PMPCB: variants seen among roughly 807,000 people sequenced by gnomAD.
PMPCB encodes the protein peptidase, mitochondrial processing subunit beta.
Under a neutral mutation model 61.5 loss-of-function variants are expected in PMPCB, and 46 were observed. The observed-to-expected ratio is 0.75, with a 90% CI of 0.59 to 0.96. PMPCB has a LOEUF of 0.96. Among genes scored for constraint, PMPCB ranks in the 40% least tolerant of loss-of-function variants. PMPCB has a pLI of 0.00. For missense variants in PMPCB, 590 were observed against 602.4 expected (o/e 0.98, Z 0.22); for synonymous variants, 191 against 201.6 (o/e 0.95, Z 0.44).
At chr7:103,304,617 A>T (rs970623989) in intron 6 of PMPCB, 127 bp downstream of exon 6, 4 of 705,080 alleles carry the variant, frequency 5.7e-6, no homozygotes, top group African/African-American at 1.8e-5. Context: ...GATAGTGTGT[A>T]AGGGGAATGT....
chr7:103,312,003 T>G, intron 11 of PMPCB, 53 bp from the exon 12 acceptor site: 1 of 1,579,862 alleles, frequency 6.3e-7, no homozygotes, highest in East Asian at 2.2e-5. Context: ...GTTCCAGGTA[T>G]AGACTTTGTT....
At chr7:103,321,633 A>G (rs1818421089) in intron 12 of PMPCB, among the ~76,000 whole-genome samples, 1 of 151,732 alleles carries the variant, frequency 6.6e-6, no homozygotes, top group African/African-American at 2.4e-5. Flanking sequence ...AGATCACTTG[A>G]GGTCAGGAGT....
chr7:103,309,652 C>T (rs117949792), intron 8 of PMPCB, among the ~76,000 whole-genome samples: 2,052 of 152,264 alleles, frequency 0.013, 17 homozygotes, highest in Middle Eastern at 0.031. Flanking sequence ...TTTTGGTATC[C>T]ACAGGGATCT....
chr7:103,319,731 T>G, intron 12 of PMPCB: 2 of 1,614,128 alleles, frequency 1.2e-6, no homozygotes, highest in South Asian at 1.1e-5. Flanking sequence ...AAGTGAAGAC[T>G]TCAATAGCAG....
downstream of PMPCB, chr7:103,316,648 G>A (rs1779295369): frequency 1.7e-6 from 1 of 603,984 alleles, no homozygotes; most frequent in African/African-American, 1.9e-5. Context: ...ATGTGCATGT[G>A]TACTGATGCA....
chr7:103,304,054 A>T lies in PMPCB; in HGVS notation c.656+14A>T. 3 of 1,563,538 alleles carry T rather than the reference A, an allele frequency of 1.9e-6. No individual in the cohort carries two copies. Among genetic ancestry groups the T allele is most frequent in the Non-Finnish European group, 1.8e-6 (2 of 1,136,464 alleles). ...TGAAAATATCAAGTAGGTATAACAG[A>T]ATTTCTTGGTGTATAAGGGAATTTA... On this transcript the variant is annotated intron_variant, in intron 5 of 12. Transcript: ENST00000249269.
downstream of PMPCB, among the ~76,000 whole-genome samples, chr7:103,333,884 A>G (rs898037446): frequency 6.6e-6 from 1 of 151,296 alleles, no homozygotes; most frequent in Non-Finnish European, 1.5e-5. Context: ...TTGCTTATCT[A>G]TTTCCATGTT....
Position 103,312,246 on chromosome 7 carries a change from G to C in PMPCB, c.1445G>C (p.Ser482Thr). 6.2e-7 allele frequency: 1 copy of C among 1,612,378 alleles called. No homozygotes were observed. The highest frequency in any genetic ancestry group is 1.1e-5 in the South Asian group (1 of 91,038). Residue 482 changes from serine (S) to threonine (T), a missense_variant, in exon 13 of 13, where the codon AGT (serine) becomes ACT (threonine). Transcript: ENST00000249269. ...KQLPDFKQIRSNMCWLRD is the reference protein window; with the variant it reads ...KQLPDFKQIRTNMCWLRD Reference sequence around the variant, plus strand: ...CTACCAGATTTTAAACAGATACGCAGTAACATGTGTTGGCTTCGTGATTAA... The same window carrying C: ...CTACCAGATTTTAAACAGATACGCACTAACATGTGTTGGCTTCGTGATTAA...
intron 4 of PMPCB, among the ~76,000 whole-genome samples, chr7:103,301,383 C>T (rs1166815523): frequency 1.3e-5 from 2 of 152,060 alleles, no homozygotes; most frequent in Non-Finnish European, 2.9e-5. Flanking sequence ...ATAACAAAAC[C>T]AATAGAGACA....
In PMPCB at chr7:103,314,258, C is replaced by T; in HGVS notation, c.*1987C>T. ...ACATGGCAGTATTTCCTGCTGTTCT[C>T]CAGTTACTTCACAATACCAAAATAA... is the stretch of plus-strand genomic sequence containing the variant. On this transcript the variant is annotated 3_prime_UTR_variant, in exon 13 of 13. Coordinates refer to ENST00000249269, the MANE Select transcript of PMPCB (RefSeq NM_004279.3). 1.0e-6 allele frequency: 1 copy of T among 985,406 alleles called. No homozygotes were observed. The highest frequency in any genetic ancestry group is 1.2e-6 in the Non-Finnish European group (1 of 829,922). The allele number at this position is 985,406 out of a possible 1,614,324, so 61.0% of individuals were successfully genotyped here. A position where few individuals can be genotyped will look rare whatever the true frequency, so the allele number is the denominator to read the frequency against.
chr7:103,305,433 A>G (rs1817550213), intron 6 of PMPCB, among the ~76,000 whole-genome samples: 1 of 152,120 alleles, frequency 6.6e-6, no homozygotes, highest in South Asian at 2.1e-4. Context: ...AAATACATTT[A>G]TAGAAATAGA....
chr7:103,326,040 A>G (rs1818686420), intron 12 of PMPCB, among the ~76,000 whole-genome samples: 1 of 152,030 alleles, frequency 6.6e-6, no homozygotes, highest in Admixed American at 6.6e-5. Flanking sequence ...GTGTAGTGGC[A>G]TGACCTCGGC....
downstream of PMPCB, among the ~76,000 whole-genome samples, chr7:103,331,737 T>C (rs368419453): frequency 5.4e-4 from 83 of 152,362 alleles, no homozygotes; most frequent in South Asian, 0.01. Flanking sequence ...TATACTTTTC[T>C]TTATCAACTA....
chr7:103,298,515 T>C (rs1817355450), intron 1 of PMPCB, 53 bp from the exon 2 acceptor site: 1 of 1,528,566 alleles, frequency 6.5e-7, no homozygotes, highest in Non-Finnish European at 8.9e-7. Context: ...ACATTTAATA[T>C]CAGATTAGTA....
intron 12 of PMPCB, chr7:103,319,885 T>C: frequency 1.9e-6 from 3 of 1,595,702 alleles, no homozygotes; most frequent in East Asian, 2.2e-5. Flanking sequence ...CACTCAAAAA[T>C]ACATCCATCA....
intron 12 of PMPCB, chr7:103,322,034 T>C (rs747255126): frequency 1.2e-6 from 2 of 1,613,966 alleles, no homozygotes; most frequent in East Asian, 2.2e-5. Flanking sequence ...CTTCCTCCTC[T>C]TCTTTCTCCT....
At chr7:103,321,802 C>A (rs567260271) in intron 12 of PMPCB, 5 of 975,984 alleles carry the variant, frequency 5.1e-6, no homozygotes, top group South Asian at 2.2e-5. Flanking sequence ...GAACTGAGAT[C>A]GCGCCACTGC....
intron 12 of PMPCB, among the ~76,000 whole-genome samples, chr7:103,321,303 G>A (rs1818395550): frequency 6.6e-6 from 1 of 152,042 alleles, no homozygotes; most frequent in South Asian, 2.1e-4. Flanking sequence ...TGGATCATGA[G>A]GTCAGGAGTT....
downstream of PMPCB, chr7:103,319,500 G>T: frequency 1.9e-6 from 2 of 1,066,628 alleles, no homozygotes; most frequent in East Asian, 2.4e-5. Context: ...GAAACATAAA[G>T]AGAAATCAGA....
Sources: allele counts gnomAD v4.1 joint callset (sites outside exome capture counted in the v4.1 genomes callset), GRCh38; gene constraint gnomAD v4.1.1; transcripts MANE v1.5; gene names NCBI Gene and HGNC (gene_info 2026-07-23, HGNC 2026-07-21).